Variants in ZNF77 observed in about 807,000 individuals in gnomAD.
ZNF77 encodes ZNFpT1.
A neutral mutation model predicts 13.5 loss-of-function variants in ZNF77; 15 were observed. The observed-to-expected ratio is 1.11, with a 90% confidence interval of 0.74 to 1.71. The LOEUF (loss-of-function observed/expected upper bound fraction) is 1.71, where lower values mean the gene tolerates loss of function less well. Ranked by LOEUF, ZNF77 falls within the 40% of genes most tolerant of loss-of-function variation. The probability of loss-of-function intolerance (pLI) is 0.00; values close to 1 mark genes in which losing one functional copy is unlikely to be tolerated. For missense variants in ZNF77, 717 were observed against 676.4 expected (o/e 1.06, Z -0.67); for synonymous variants, 282 against 250.0 (o/e 1.13, Z -1.21).
At chr19:2,938,532 T>C (rs752127345) in intron 2 of ZNF77, among the ~76,000 whole-genome samples, 4 of 152,224 alleles carry the variant, frequency 2.6e-5, no homozygotes, top group Non-Finnish European at 4.4e-5. Flanking sequence ...CAAGAAAACC[T>C]AAATATCAAT....
chr19:2,935,922 G>A (rs2088392221), intron 3 of ZNF77, among the ~76,000 whole-genome samples: 1 of 151,840 alleles, frequency 6.6e-6, no homozygotes, highest in African/African-American at 2.4e-5. Context: ...AGGATGAGGT[G>A]GGAGGATTGC....
chr19:2,944,908 G>A lies in ZNF77; in HGVS notation c.-68C>T. 4.0e-6 allele frequency: 6 copies of A among 1,500,274 alleles called. No individual in the cohort carries two copies. The highest frequency in any genetic ancestry group is 1.4e-5 in the African/African-American group (1 of 70,200). The allele number at this position is 1,500,274 out of a possible 1,614,324, so 92.9% of individuals were successfully genotyped here. On this transcript the variant is annotated 5_prime_UTR_variant, in exon 1 of 4. Coordinates refer to ENST00000314531, the MANE Select transcript of ZNF77 (RefSeq NM_021217.3). Reference sequence around the variant, plus strand: ...TCCAGCGACCGGCGCAGGTGAGCACGACAGGACACCTGAGCCGCTCGGGGT... The same window carrying A: ...TCCAGCGACCGGCGCAGGTGAGCACAACAGGACACCTGAGCCGCTCGGGGT...
rs1409008747 is a variant in ZNF77 at position 2,934,422 on chromosome 19, A to T, written c.705T>A (p.His235Gln). The part of the protein sequence containing the change: ...SSFRGHVNSH[H>Q]GQKTHACKVC... ...CTTTACATGCATGGGTTTTCTGCCC[A>T]TGATGACTATTCACATGTCCCCTGA... is the stretch of plus-strand genomic sequence containing the variant. The change falls in exon 4 of 4, where the codon CAT (histidine) becomes CAA (glutamine). Residue 235 changes from histidine to glutamine, a missense_variant. Transcript: ENST00000314531. 6.2e-7 allele frequency: 1 copy of T among 1,614,242 alleles called. No homozygotes were observed. The highest frequency in any genetic ancestry group is 2.2e-5 in the East Asian group (1 of 44,892).
Position 2,933,739 on chromosome 19 carries a change from G to C in ZNF77, c.1388C>G (p.Pro463Arg), listed in dbSNP as rs142625963. 13 of 1,612,480 alleles carry C rather than the reference G, an allele frequency of 8.1e-6. No homozygotes were observed. The highest frequency in any genetic ancestry group is 5.3e-5 in the African/African-American group (4 of 74,916). The change falls in exon 4 of 4, where the codon CCG becomes CGG. Residue 463 changes from proline to arginine, a missense_variant. Transcript: ENST00000314531. ...EHVRTHSGEK[P>R]YECNQCGKAF... ...TTTCCCACATTGATTACATTCGTAC[G>C]GTTTCTCTCCGCTGTGGGTTCGCAC...
Position 2,937,677 on chromosome 19 carries a change from G to C in ZNF77, c.131-973C>G, listed in dbSNP as rs2088409833. Among the ~76,000 whole-genome samples, 3 of 152,076 alleles carry C rather than the reference G, an allele frequency of 2.0e-5. No individual in the cohort carries two copies. In the South Asian group the frequency reaches 6.2e-4, roughly 32 times the overall value. On this transcript the variant is annotated intron_variant, in intron 2 of 3. Coordinates refer to ENST00000314531, the MANE Select transcript of ZNF77 (RefSeq NM_021217.3). ...CCTGCGAAGGAGGACAGTGCAGGGG[G>C]GTGCAGGAGAAGCCACACAGGGCAG...
At position 2,934,004 on chromosome 19, in the gene ZNF77, T is replaced by C. The variant is rs1359802436; in HGVS notation, c.1123A>G (p.Thr375Ala). The change falls in exon 4 of 4, where the codon ACC (threonine) becomes GCC (alanine). Residue 375 changes from threonine (T) to alanine (A), a missense_variant. Coordinates refer to ENST00000314531, the MANE Select transcript of ZNF77 (RefSeq NM_021217.3). ...TTGCACACATAGGGCTTCTCTCCGGTGTGCATTCTCATGTGTGCTCGCAGA... is the reference window on the plus strand; with the variant it reads ...TTGCACACATAGGGCTTCTCTCCGGCGTGCATTCTCATGTGTGCTCGCAGA... ...SSLRAHMRMH[T>A]GEKPYVCKQC... 1 of 1,614,210 alleles carries C rather than the reference T, an allele frequency of 6.2e-7. No individual in the cohort carries two copies. Among genetic ancestry groups the C allele is most frequent in the Non-Finnish European group, 8.5e-7 (1 of 1,180,034 alleles).
chr19:2,933,465 C>A lies in ZNF77; in HGVS notation c.*24G>T. On this transcript the variant is annotated 3_prime_UTR_variant, in exon 4 of 4. Transcript: ENST00000314531. ...ACAAGGTTTTACGGTTGAACACTCT[C>A]CCAGGTCCACTGTATTCGTAGATTC... is the stretch of plus-strand genomic sequence containing the variant. 1 of 1,527,156 alleles carries A rather than the reference C, an allele frequency of 6.5e-7. No homozygotes were observed. The highest frequency in any genetic ancestry group is 8.8e-7 in the Non-Finnish European group (1 of 1,136,626). The allele number at this position is 1,527,156 out of a possible 1,614,324, so 94.6% of individuals were successfully genotyped here. A position where few individuals can be genotyped will look rare whatever the true frequency, so the allele number is the denominator to read the frequency against.
Position 2,936,723 on chromosome 19 carries a change from C to CTGGCCGGGCGCGGTGGCTCACGCCTGT in ZNF77, c.131-20_131-19insACAGGCGTGAGCCACCGCGCCCGGCCA. ...TAACAATCTGCAACAATCAATTACACAATTTCTTAGGAGAAATATGTTGGG... is the reference window on the plus strand; with the variant it reads ...TAACAATCTGCAACAATCAATTACACTGGCCGGGCGCGGTGGCTCACGCCTGTAATTTCTTAGGAGAAATATGTTGGG... On this transcript the variant is annotated intron_variant, in intron 2 of 3. Transcript: ENST00000314531. 6.3e-7 allele frequency: 1 copy of CTGGCCGGGCGCGGTGGCTCACGCCTGT among 1,589,274 alleles called. No individual in the cohort carries two copies. Among genetic ancestry groups the CTGGCCGGGCGCGGTGGCTCACGCCTGT allele is most frequent in the Non-Finnish European group, 8.5e-7 (1 of 1,173,056 alleles).
chr19:2,934,750 GT>G lies in ZNF77; in HGVS notation c.376del (p.Thr126LeufsTer56). 1 of 1,614,150 alleles carries G rather than the reference GT, an allele frequency of 6.2e-7. No individual in the cohort carries two copies. Among genetic ancestry groups the G allele is most frequent in the Non-Finnish European group, 8.5e-7 (1 of 1,180,008 alleles). Reference sequence around the variant, plus strand: ...ACTCTTGTGCACAAGAAGGTTCGCAGTCTGGCTCAAGGTCTCTCCGCATTGA... The same window carrying G: ...ACTCTTGTGCACAAGAAGGTTCGCAGCTGGCTCAAGGTCTCTCCGCATTGA... Reference protein sequence around the residue: ...GHQCGETLSQTANLLVHKSYP... With the variant: ...GHQCGETLSQXANLLVHKSYP... On this transcript the variant is annotated frameshift_variant, in exon 4 of 4. Coordinates refer to ENST00000314531, the MANE Select transcript of ZNF77 (RefSeq NM_021217.3). LOFTEE classifies it low-confidence loss of function (END_TRUNC).
At chr19:2,943,667 T>C (rs1178023744) in intron 1 of ZNF77, among the ~76,000 whole-genome samples, 1 of 151,512 alleles carries the variant, frequency 6.6e-6, no homozygotes, top group Non-Finnish European at 1.5e-5. Context: ...TTATCCCTAT[T>C]TTTCTCTCTC....
Position 2,934,010 on chromosome 19 carries a change from T to G in ZNF77, c.1117A>C (p.Met373Leu). The change falls in exon 4 of 4, where the codon ATG becomes CTG. Residue 373 changes from methionine (M) to leucine (L), a missense_variant. Physicochemically the swap from Met to Leu is conservative, Grantham distance 15. Transcript: ENST00000314531. ...YPSSLRAHMRMHTGEKPYVCK... is the reference protein window; with the variant it reads ...YPSSLRAHMRLHTGEKPYVCK... ...ACATAGGGCTTCTCTCCGGTGTGCA[T>G]TCTCATGTGTGCTCGCAGAGAGGAG... 7 of 1,614,184 alleles carry G rather than the reference T, an allele frequency of 4.3e-6. No individual in the cohort carries two copies. The East Asian group carries it at 1.3e-4, about 31-fold the overall frequency.
At position 2,935,551 on chromosome 19, in the gene ZNF77, G is replaced by A. The variant is rs573927957; in HGVS notation, c.312-736C>T. 7.2e-5 allele frequency among the ~76,000 whole-genome samples: 10 copies of A among 139,800 alleles called. No individual in the cohort carries two copies. The South Asian group carries it at 2.3e-3, about 32-fold the overall frequency. The allele number at this position is 139,800 out of a possible 152,430, so 91.7% of individuals were successfully genotyped here. On this transcript the variant is annotated intron_variant, in intron 3 of 3. Transcript: ENST00000314531. ...TCTCCATGTTGGTCAGGCTGGTCTC[G>A]AACTCCCGACCTCAGGTGATCCACC... is the stretch of plus-strand genomic sequence containing the variant.
chr19:2,934,855 T>C (rs762322015), intron 3 of ZNF77, 40 bp from the exon 4 acceptor site: 5 of 1,540,218 alleles, frequency 3.2e-6, no homozygotes, highest in Middle Eastern at 1.8e-4. Flanking sequence ...CATGAATGAC[T>C]ATAAGTGATT....
intron 1 of ZNF77, among the ~76,000 whole-genome samples, chr19:2,941,715 CTG>C (rs2088450308): frequency 6.6e-6 from 1 of 152,178 alleles, no homozygotes; most frequent in Non-Finnish European, 1.5e-5. Flanking sequence ...TGCCGCTTCT[CTG>C]TACTGTGGGT....
At chr19:2,937,693 C>G (rs931622186) in intron 2 of ZNF77, among the ~76,000 whole-genome samples, 1 of 152,072 alleles carries the variant, frequency 6.6e-6, no homozygotes, top group African/African-American at 2.4e-5. Context: ...GGAGAAGCCA[C>G]ACAGGGCAGC....
chr19:2,944,130 CCTGA>C (rs1325034034), intron 1 of ZNF77, among the ~76,000 whole-genome samples: 2 of 151,802 alleles, frequency 1.3e-5, no homozygotes, highest in Middle Eastern at 6.8e-3. Flanking sequence ...TCCCCGATCC[CCTGA>C]CTGCCTCTAC....
chr19:2,935,502 T>TC (rs1449553945), intron 3 of ZNF77, among the ~76,000 whole-genome samples: 4 of 149,488 alleles, frequency 2.7e-5, no homozygotes, highest in Admixed American at 2.0e-4. Context: ...TCGTATTTTT[T>TC]TTTTTTTCAG....
chr19:2,944,881 G>A lies in ZNF77; in HGVS notation c.-41C>T, dbSNP rs1413565795. The A allele has an allele frequency of 2.6e-6, 4 of 1,522,546 alleles. No individual in the cohort carries two copies. Among genetic ancestry groups the A allele is most frequent in the South Asian group, 1.2e-5 (1 of 82,344 alleles). The allele number at this position is 1,522,546 out of a possible 1,614,324, so 94.3% of individuals were successfully genotyped here. On this transcript the variant is annotated 5_prime_UTR_variant, in exon 1 of 4. Transcript: ENST00000314531. ...GGGCTCTCCAGGGTTAGCGCCCCGC[G>A]GTCCAGCGACCGGCGCAGGTGAGCA...
At position 2,934,861 on chromosome 19, in the gene ZNF77, T is replaced by C. The variant is rs917846860; in HGVS notation, c.312-46A>G. 3.3e-6 allele frequency: 5 copies of C among 1,533,922 alleles called. No homozygotes were observed. In the African/African-American group the frequency reaches 6.9e-5, roughly 21 times the overall value. ...GCTACTAGTCATGAATGACTATAAG[T>C]GATTAATTTATTAATGGTTTTTAGT... is the stretch of plus-strand genomic sequence containing the variant. On this transcript the variant is annotated intron_variant, in intron 3 of 3. Transcript: ENST00000314531.
Sources: allele counts gnomAD v4.1 joint callset (sites outside exome capture counted in the v4.1 genomes callset), GRCh38; gene constraint gnomAD v4.1.1; transcripts MANE v1.5; gene names NCBI Gene and HGNC (gene_info 2026-07-23, HGNC 2026-07-21).